RPH3A: variants seen among roughly 807,000 people sequenced by gnomAD.
RPH3A encodes the protein rabphilin 3A.
Under a neutral mutation model 102.2 loss-of-function variants are expected in RPH3A, and 48 were observed. That is an observed-to-expected ratio of 0.47 (90% CI 0.37 to 0.60). RPH3A has a LOEUF of 0.60. Ranked by LOEUF, RPH3A falls within the 20% of genes least tolerant of loss-of-function variation. The pLI, the probability that RPH3A is intolerant of heterozygous loss-of-function variation, is 0.00. For synonymous variants in RPH3A, 310 were observed against 324.3 expected (o/e 0.96, Z 0.47); for missense variants, 781 against 910.1 (o/e 0.86, Z 1.83).
rs547850560 is a variant in RPH3A, at chr12:112,582,201, T to C, written c.-140+6882T>C. 5.1e-4 allele frequency among the ~76,000 whole-genome samples: 76 copies of C among 147,812 alleles called. 3 individuals carry two copies. Among genetic ancestry groups the C allele is most frequent in the Non-Finnish European group, 3.4e-4 (23 of 67,086 alleles). On this transcript the variant is annotated intron_variant, in intron 1 of 21. Transcript: ENST00000543106. ...CAGTTTTGTATCCTTTTTTTATTTC[T>C]TCCTAAGCATGTCTCTGTGTCTTGC... is the stretch of plus-strand genomic sequence containing the variant.
intron 2 of RPH3A, among the ~76,000 whole-genome samples, chr12:112,805,333 T>C (rs1037340465): frequency 3.3e-5 from 5 of 151,922 alleles, no homozygotes; most frequent in African/African-American, 9.7e-5. Flanking sequence ...TTTTTTTTAA[T>C]GCAGATGCTC....
intron 4 of RPH3A, among the ~76,000 whole-genome samples, chr12:112,846,512 T>C (rs998198260): frequency 7.9e-5 from 12 of 152,228 alleles, no homozygotes; most frequent in Non-Finnish European, 1.6e-4. Context: ...GGTGGGGGGA[T>C]GGCAGAAGAT....
chr12:112,685,588 G>A (rs967985268), intron 1 of RPH3A, among the ~76,000 whole-genome samples: 1 of 152,150 alleles, frequency 6.6e-6, no homozygotes, highest in Non-Finnish European at 1.5e-5. Context: ...AGAAATCAGT[G>A]ACCTTTTAAG....
chr12:112,662,320 A>G lies in RPH3A; in HGVS notation c.-140+87001A>G, dbSNP rs540185788. Among the ~76,000 whole-genome samples the G allele has an allele frequency of 3.7e-4, 57 of 152,328 alleles. No individual in the cohort carries two copies. The South Asian group carries it at 0.011, about 29-fold the overall frequency. On this transcript the variant is annotated intron_variant, in intron 1 of 21. Transcript: ENST00000543106. ...TAACTCCAAAGAAACACAATGCTGGACAAAGAAGTTTTAGCATGAGATACA... is the reference window on the plus strand; with the variant it reads ...TAACTCCAAAGAAACACAATGCTGGGCAAAGAAGTTTTAGCATGAGATACA...
intron 1 of RPH3A, among the ~76,000 whole-genome samples, chr12:112,703,771 C>T (rs554226051): frequency 2.6e-4 from 40 of 152,270 alleles, no homozygotes; most frequent in Non-Finnish European, 4.1e-4. Flanking sequence ...CACCCCAAAA[C>T]CTTTAAAAAC....
intron 1 of RPH3A, among the ~76,000 whole-genome samples, chr12:112,644,045 CAG>C (rs1046799611): frequency 6.6e-6 from 1 of 152,136 alleles, no homozygotes; most frequent in African/African-American, 2.4e-5. Context: ...CACTCAGAAA[CAG>C]AAAGTCAAAT....
chr12:112,745,097 C>T (rs202219138), intron 1 of RPH3A, among the ~76,000 whole-genome samples: 1 of 152,134 alleles, frequency 6.6e-6, no homozygotes, highest in East Asian at 1.9e-4. Flanking sequence ...CAGTTCTTGG[C>T]CTTTCTTTGT....
At chr12:112,606,883 A>C (rs1351343045) in intron 1 of RPH3A, among the ~76,000 whole-genome samples, 1 of 152,172 alleles carries the variant, frequency 6.6e-6, no homozygotes, top group African/African-American at 2.4e-5. Flanking sequence ...CCCCTCCTCC[A>C]ATGTTGAGGA....
intron 1 of RPH3A, among the ~76,000 whole-genome samples, chr12:112,610,761 A>G (rs1407757712): frequency 6.6e-6 from 1 of 151,832 alleles, no homozygotes. Context: ...CCTCCCGAGT[A>G]GCTAGGACTA....
intron 1 of RPH3A, among the ~76,000 whole-genome samples, chr12:112,736,991 C>CA (rs2040674053): frequency 1.3e-5 from 2 of 151,844 alleles, no homozygotes; most frequent in South Asian, 4.2e-4. Context: ...CGAGTCTCTA[C>CA]AAAAAATACA....
chr12:112,887,037 C>G (rs1025622870), intron 16 of RPH3A, among the ~76,000 whole-genome samples: 1 of 152,154 alleles, frequency 6.6e-6, no homozygotes, highest in African/African-American at 2.4e-5. Flanking sequence ...TGACCAGAAC[C>G]TTTATAAACT....
intron 1 of RPH3A, among the ~76,000 whole-genome samples, chr12:112,775,017 AC>A (rs1936115664): frequency 6.6e-6 from 1 of 152,042 alleles, no homozygotes; most frequent in Non-Finnish European, 1.5e-5. Flanking sequence ...GTCTATAAGA[AC>A]ATGGCATATG....
chr12:112,780,511 T>C (rs556433079), intron 1 of RPH3A, among the ~76,000 whole-genome samples: 13 of 152,352 alleles, frequency 8.5e-5, no homozygotes, highest in South Asian at 2.1e-4. Flanking sequence ...GATAAGCCGA[T>C]AAACGTAATC....
intron 1 of RPH3A, among the ~76,000 whole-genome samples, chr12:112,635,251 A>T (rs1282873497): frequency 1.3e-5 from 2 of 152,162 alleles, no homozygotes; most frequent in Non-Finnish European, 2.9e-5. Flanking sequence ...CAGGGTTTGG[A>T]TTGGCCTATG....
At chr12:112,894,764 T>C (rs1397643571) in intron 20 of RPH3A, 105 bp downstream of exon 20, 20 of 880,882 alleles carry the variant, frequency 2.3e-5, no homozygotes, top group Non-Finnish European at 3.0e-5. Context: ...AGCCATTAAA[T>C]GCAGCCATTT....
chr12:112,774,070 A>AAAAAAAAAAAAAAAG, intron 1 of RPH3A, among the ~76,000 whole-genome samples: 1 of 150,982 alleles, frequency 6.6e-6, no homozygotes, highest in Admixed American at 6.6e-5. Context: ...GGGCAAAAAA[A>AAAAAAAAAAAAAAAG]AAAAAAAGAA....
intron 1 of RPH3A, among the ~76,000 whole-genome samples, chr12:112,686,690 G>A (rs1450065959): frequency 1.3e-5 from 2 of 152,196 alleles, no homozygotes; most frequent in African/African-American, 4.8e-5. Flanking sequence ...GTATGAGAGA[G>A]CCCAGCTGAG....
chr12:112,669,861 GT>G, intron 1 of RPH3A, among the ~76,000 whole-genome samples: 1 of 152,210 alleles, frequency 6.6e-6, no homozygotes, highest in South Asian at 2.1e-4. Context: ...TTTCAAATGT[GT>G]TAATGAAAAT....
At chr12:112,667,763 C>T (rs1009943025) in intron 1 of RPH3A, among the ~76,000 whole-genome samples, 6 of 150,526 alleles carry the variant, frequency 4.0e-5, no homozygotes, top group African/African-American at 4.9e-5. Flanking sequence ...TAGAGCAGGC[C>T]ACCTTGGAGG....
Sources: gnomAD v4.1 joint callset for allele counts (sites outside exome capture counted in the v4.1 genomes callset) on GRCh38, gnomAD v4.1.1 for gene constraint, MANE v1.5 for transcripts, NCBI Gene and HGNC (gene_info 2026-07-23, HGNC 2026-07-21) for gene names.